ATXN2: variants seen among roughly 807,000 people sequenced by gnomAD.
ATXN2 encodes the protein ataxin-2.
ATXN2 carries 37 observed loss-of-function variants against 138.6 expected under a neutral mutation model. The ratio of observed to expected loss-of-function variants is 0.27; its 90% confidence interval spans 0.21 to 0.35. The LOEUF (loss-of-function observed/expected upper bound fraction) is 0.35, where lower values mean the gene tolerates loss of function less well. Among genes scored for constraint, ATXN2 ranks in the 10% least tolerant of loss-of-function variants. The probability of loss-of-function intolerance (pLI) is 1.00; values close to 1 mark genes in which losing one functional copy is unlikely to be tolerated. For missense variants in ATXN2, 1,216 were observed against 1,480.3 expected (o/e 0.82, Z 2.93); for synonymous variants, 549 against 543.7 (o/e 1.01, Z -0.13).
At chr12:111,531,196 T>C (rs1880812340) in intron 5 of ATXN2, among the ~76,000 whole-genome samples, 2 of 151,970 alleles carry the variant, frequency 1.3e-5, no homozygotes, top group Non-Finnish European at 2.9e-5. Context: ...GGGTGGATCA[T>C]GAGGTCAAGA....
At position 111,503,598 on chromosome 12, in the gene ATXN2, T is replaced by C. The variant is rs79035668; in HGVS notation, c.1935+5951A>G. ...AGTTCTGGGACACATATTTTTTTTT[T>C]CCACTCTCTTTTTTTTTCTTTGAGA... On this transcript the variant is annotated intron_variant, in intron 14 of 24. Transcript: ENST00000673436. Among the ~76,000 whole-genome samples, 3 of 152,024 alleles carry C rather than the reference T, an allele frequency of 2.0e-5. No homozygotes were observed. In the East Asian group the frequency reaches 5.8e-4, roughly 29 times the overall value.
At chr12:111,558,894 G>A (rs1882523921) in intron 1 of ATXN2, among the ~76,000 whole-genome samples, 1 of 151,674 alleles carries the variant, frequency 6.6e-6, no homozygotes, top group Admixed American at 6.6e-5. Flanking sequence ...ATTAAAGCTG[G>A]GTGATAGGTG....
intron 1 of ATXN2, among the ~76,000 whole-genome samples, chr12:111,596,064 G>C (rs933129541): frequency 3.3e-5 from 5 of 152,180 alleles, no homozygotes; most frequent in Non-Finnish European, 5.9e-5. Context: ...GCCAGGTGTG[G>C]TAGCACGAAC....
chr12:111,456,323 C>A, intron 22 of ATXN2, 67 bp from the exon 23 acceptor site: 1 of 1,541,442 alleles, frequency 6.5e-7, no homozygotes. Flanking sequence ...GGGATACCCA[C>A]AAAGCTAAGC....
At chr12:111,577,888 G>A (rs1883765191) in intron 1 of ATXN2, among the ~76,000 whole-genome samples, 1 of 151,436 alleles carries the variant, frequency 6.6e-6, no homozygotes, top group African/African-American at 2.4e-5. Context: ...TCAACGCCCT[G>A]GGCAATACAG....
chr12:111,575,049 C>T (rs1195929334), intron 1 of ATXN2, among the ~76,000 whole-genome samples: 1 of 152,090 alleles, frequency 6.6e-6, no homozygotes, highest in African/African-American at 2.4e-5. Flanking sequence ...AATAAACTCA[C>T]GGTAGCGTCC....
At chr12:111,502,066 A>AT (rs1878809667) in intron 14 of ATXN2, among the ~76,000 whole-genome samples, 3 of 151,762 alleles carry the variant, frequency 2.0e-5, no homozygotes, top group Admixed American at 2.0e-4. Context: ...TAATGTGTGT[A>AT]TTTTTTTGTA....
chr12:111,499,329 A>G (rs958392941), intron 14 of ATXN2, among the ~76,000 whole-genome samples: 3 of 152,238 alleles, frequency 2.0e-5, no homozygotes, highest in African/African-American at 7.2e-5. Context: ...AGAATATAAA[A>G]GGCACTCAAG....
rs947979602 is a variant in ATXN2, at chr12:111,452,244, ATTTTTTTTAAG to A, written c.*557_*567del. 11 of 152,412 alleles carry A rather than the reference ATTTTTTTTAAG, an allele frequency of 7.2e-5. No homozygotes were observed. Among genetic ancestry groups the A allele is most frequent in the African/African-American group, 2.6e-4 (11 of 41,514 alleles). The allele number at this position is 152,412 out of a possible 1,614,324, so 9.4% of individuals were successfully genotyped here. The stretch of plus-strand genomic sequence containing the variant: ...TTTTAAAACTTTTTTTATTTTTTAA[ATTTTTTTTAAG>A]TTTTTATTTTATATTATCTACAAAG... On this transcript the variant is annotated 3_prime_UTR_variant, in exon 25 of 25. Transcript: ENST00000673436.
chr12:111,552,586 C>T lies in ATXN2; in HGVS notation c.421-156G>A. 1 of 727,690 alleles carries T rather than the reference C, an allele frequency of 1.4e-6. No individual in the cohort carries two copies. The highest frequency in any genetic ancestry group is 2.1e-6 in the Non-Finnish European group (1 of 479,432). The allele number at this position is 727,690 out of a possible 1,614,324, so 45.1% of individuals were successfully genotyped here. On this transcript the variant is annotated intron_variant, in intron 4 of 24. Coordinates refer to ENST00000673436, the MANE Select transcript of ATXN2 (RefSeq NM_001372574.1). This position sits in a 1 kb window ranked among gnomAD's most constrained non-coding sequence, Gnocchi z 4.1. The stretch of plus-strand genomic sequence containing the variant: ...TTTCCCAGGCATATGATCTATTATC[C>T]ATTCCATCATTTAAAAATCCTCATA...
At chr12:111,563,402 G>T (rs1192335190) in intron 1 of ATXN2, among the ~76,000 whole-genome samples, 1 of 151,966 alleles carries the variant, frequency 6.6e-6, no homozygotes, top group Non-Finnish European at 1.5e-5. Context: ...GACATTAGAA[G>T]GTCTATAAAC....
chr12:111,592,219 A>G (rs1046651145), intron 1 of ATXN2, among the ~76,000 whole-genome samples: 14 of 151,700 alleles, frequency 9.2e-5, no homozygotes, highest in Middle Eastern at 3.5e-3. Flanking sequence ...GTGAAACTCC[A>G]TATCTACTAA....
intron 1 of ATXN2, among the ~76,000 whole-genome samples, chr12:111,577,874 GAGT>G (rs1024957105): frequency 1.5e-4 from 23 of 152,058 alleles, no homozygotes; most frequent in African/African-American, 5.1e-4. Flanking sequence ...TGGAGCCCAG[GAGT>G]TCAACGCCCT....
At chr12:111,508,411 G>A (rs189318803) in intron 14 of ATXN2, among the ~76,000 whole-genome samples, 41 of 135,970 alleles carry the variant, frequency 3.0e-4, no homozygotes, top group South Asian at 7.4e-4. Context: ...TCATTTGTAT[G>A]TGTTAACTAT....
intron 5 of ATXN2, among the ~76,000 whole-genome samples, chr12:111,535,680 A>G (rs1000987708): frequency 6.6e-6 from 1 of 151,746 alleles, no homozygotes; most frequent in Non-Finnish European, 1.5e-5. Flanking sequence ...AGAACATGCC[A>G]GCTTAGTAGG....
Position 111,496,177 on chromosome 12 carries a change from T to C in ATXN2, c.1936-7397A>G, listed in dbSNP as rs555848696. Reference sequence around the variant, plus strand: ...ACAAACAAACAAACAAACAAACAAATAAATAAATAAAAATTCAAAAAAGTT... The same window carrying C: ...ACAAACAAACAAACAAACAAACAAACAAATAAATAAAAATTCAAAAAAGTT... On this transcript the variant is annotated intron_variant, in intron 14 of 24. Coordinates refer to ENST00000673436, the MANE Select transcript of ATXN2 (RefSeq NM_001372574.1). 3.1e-4 allele frequency among the ~76,000 whole-genome samples: 47 copies of C among 151,232 alleles called. 1 individual carries two copies. The South Asian group carries it at 7.1e-3, about 23-fold the overall frequency.
intron 1 of ATXN2, among the ~76,000 whole-genome samples, chr12:111,580,795 A>C (rs996916401): frequency 8.6e-5 from 13 of 151,278 alleles, no homozygotes; most frequent in Admixed American, 2.7e-4. Flanking sequence ...AGACAGGAGG[A>C]GGCAGCGGGG....
chr12:111,598,834 G>A lies in ATXN2; in HGVS notation c.201C>T (p.Pro67=), dbSNP rs1476126146. ...SSVSSSSATA[P]SSVVAATSGG... ...CGGAGGTCGCCGCGACCACCGAGGA[G>A]GGAGCCGTGGCCGAGGACGAGGAGA... is the stretch of plus-strand genomic sequence containing the variant. Residue 67 remains proline (P), a synonymous_variant, in exon 1 of 25, where the codon CCC becomes CCT. Coordinates refer to ENST00000673436, the MANE Select transcript of ATXN2 (RefSeq NM_001372574.1). The surrounding 1 kb of genome is among the most constrained non-coding windows in gnomAD (Gnocchi z 4.5). 1 of 1,464,026 alleles carries A rather than the reference G, an allele frequency of 6.8e-7. No individual in the cohort carries two copies. The highest frequency in any genetic ancestry group is 3.0e-5 in the East Asian group (1 of 33,262). The allele number at this position is 1,464,026 out of a possible 1,614,324, so 90.7% of individuals were successfully genotyped here.
chr12:111,486,341 T>C (rs558632951), intron 16 of ATXN2, among the ~76,000 whole-genome samples: 1 of 152,306 alleles, frequency 6.6e-6, no homozygotes, highest in East Asian at 1.9e-4. Context: ...TTATAATACC[T>C]AAAACAAGGT....
Sources: gnomAD v4.1 joint callset for allele counts (sites outside exome capture counted in the v4.1 genomes callset) on GRCh38, gnomAD v4.1.1 for gene constraint, Gnocchi (gnomAD v3.1) non-coding constraint, MANE v1.5 for transcripts, NCBI Gene and HGNC (gene_info 2026-07-23, HGNC 2026-07-21) for gene names.